The following GALNT14 variants were observed in gnomAD, a reference collection of about 807,000 sequenced individuals.
The protein encoded by GALNT14 is UDP-GalNAc:polypeptide N-acetylgalactosaminyltransferase 14.
In GALNT14, 60 loss-of-function variants were observed where a neutral mutation model predicts 77.5. The observed-to-expected ratio is 0.77, with a 90% CI of 0.63 to 0.96. The LOEUF is 0.96. Ranked by LOEUF, GALNT14 falls within the 40% of genes least tolerant of loss-of-function variation. The pLI is 0.00. For synonymous variants in GALNT14, 280 were observed against 281.7 expected, an observed-to-expected ratio of 0.99 and a Z score of 0.06; for missense variants, 710 against 731.0, an observed-to-expected ratio of 0.97 and a Z score of 0.33.
At chr2:30,941,033 A>G (rs1374279345) in intron 9 of GALNT14, among the ~76,000 whole-genome samples, 2 of 152,198 alleles carry the variant, frequency 1.3e-5, no homozygotes, top group East Asian at 3.9e-4. Flanking sequence ...TGAGGGAGAA[A>G]GCCATAAAAC....
intron 1 of GALNT14, among the ~76,000 whole-genome samples, chr2:31,093,361 G>C (rs992582816): frequency 2.0e-5 from 3 of 152,212 alleles, no homozygotes; most frequent in African/African-American, 7.2e-5. Flanking sequence ...GCAGAAGCTA[G>C]CTTGAGATGG....
At chr2:30,965,600 C>T (rs969370699) in intron 3 of GALNT14, among the ~76,000 whole-genome samples, 4 of 152,116 alleles carry the variant, frequency 2.6e-5, no homozygotes, top group Admixed American at 2.6e-4. Flanking sequence ...ATCAAAAACC[C>T]ACGCAGGCCA....
rs150753722 is a variant in GALNT14, at chr2:31,109,320, T to C, written c.129+28638A>G. ...ACTGCCTATGTAACATTTCTCTGAA[T>C]TGCCCACCTTTTACTTCTCCACGAG... On this transcript the variant is annotated intron_variant, in intron 1 of 14. Coordinates refer to ENST00000349752, the MANE Select transcript of GALNT14 (RefSeq NM_024572.4). 3.2e-3 allele frequency among the ~76,000 whole-genome samples: 486 copies of C among 152,320 alleles called. 4 individuals are homozygous for C. The highest frequency in any genetic ancestry group is 0.011 in the African/African-American group (448 of 41,572).
chr2:31,014,663 T>C (rs932676380), intron 1 of GALNT14, among the ~76,000 whole-genome samples: 1 of 152,122 alleles, frequency 6.6e-6, no homozygotes, highest in Admixed American at 6.5e-5. Flanking sequence ...CTAGACCCAA[T>C]CTATCTGCCA....
At chr2:30,970,433 C>T (rs75369861) in intron 2 of GALNT14, among the ~76,000 whole-genome samples, 3,422 of 152,174 alleles carry the variant, frequency 0.022, 141 homozygotes, top group East Asian at 0.21. Context: ...AGATGATGCA[C>T]GTAAGCACGT....
intron 8 of GALNT14, among the ~76,000 whole-genome samples, chr2:30,942,763 A>G (rs1021586911): frequency 2.4e-4 from 36 of 152,256 alleles, no homozygotes; most frequent in African/African-American, 7.7e-4. Flanking sequence ...GTAGCAGCAC[A>G]TCTGTTTCCT....
chr2:31,062,574 C>A (rs1197080310), intron 1 of GALNT14, among the ~76,000 whole-genome samples: 1 of 152,130 alleles, frequency 6.6e-6, no homozygotes, highest in Non-Finnish European at 1.5e-5. Context: ...TGGGTATATA[C>A]CCAGTAAAGG....
intron 1 of GALNT14, among the ~76,000 whole-genome samples, chr2:31,097,408 T>C (rs543670022): frequency 6.6e-6 from 1 of 152,170 alleles, no homozygotes; most frequent in South Asian, 2.1e-4. Flanking sequence ...GGGCAGAGAA[T>C]TAACTCTTTC....
intron 1 of GALNT14, among the ~76,000 whole-genome samples, chr2:31,073,747 G>T (rs950450102): frequency 1.3e-5 from 2 of 152,196 alleles, no homozygotes; most frequent in Non-Finnish European, 2.9e-5. Context: ...TTGTAAGTGT[G>T]GCAAACAGCC....
In GALNT14 at chr2:30,912,348, G is replaced by A; in HGVS notation, c.1381-6C>T. ...GTGTATGTGAAGGCCCATACCTGGG[G>A]AGAAAGAGACCAGGAAGGTTTGTTC... On this transcript the variant is annotated splice_region_variant and splice_polypyrimidine_tract_variant and intron_variant, in intron 13 of 14. Transcript: ENST00000349752. 6.2e-7 allele frequency: 1 copy of A among 1,613,708 alleles called. No individual in the cohort carries two copies. The highest frequency in any genetic ancestry group is 1.1e-5 in the South Asian group (1 of 91,000).
At chr2:30,951,305 A>C (rs1461398779) in intron 6 of GALNT14, among the ~76,000 whole-genome samples, 1 of 152,202 alleles carries the variant, frequency 6.6e-6, no homozygotes, top group Non-Finnish European at 1.5e-5. Flanking sequence ...TAAAGCCCAA[A>C]GATATGCTAA....
chr2:31,024,282 C>A lies in GALNT14; in HGVS notation c.130-31275G>T, dbSNP rs184143457. Among the ~76,000 whole-genome samples, 41 of 152,276 alleles carry A rather than the reference C, an allele frequency of 2.7e-4. 1 individual carries two copies. The highest frequency in any genetic ancestry group is 2.6e-3 in the Admixed American group (39 of 15,284). On this transcript the variant is annotated intron_variant, in intron 1 of 14. Transcript: ENST00000349752. The stretch of plus-strand genomic sequence containing the variant: ...CCCTTAGAGATTATTCCCCACACAG[C>A]AGCCAAGAAGAGTACAAGTCAGATC...
intron 1 of GALNT14, among the ~76,000 whole-genome samples, chr2:31,130,794 C>CTGTGTGTGTGCCTGTGTGTGTATA (rs1678957400): frequency 1.1e-5 from 1 of 89,084 alleles, no homozygotes; most frequent in Admixed American, 1.1e-4. Context: ...GCGCGCGCAC[C>CTGTGTGTGTGCCTGTGTGTGTATA]TGTGTGTGTG....
At chr2:31,048,753 C>T (rs974117077) in intron 1 of GALNT14, among the ~76,000 whole-genome samples, 1 of 152,112 alleles carries the variant, frequency 6.6e-6, no homozygotes, top group African/African-American at 2.4e-5. Context: ...CTATGTGACC[C>T]CCTTGCTCTG....
chr2:31,072,240 G>T (rs1233870805), intron 1 of GALNT14, among the ~76,000 whole-genome samples: 1 of 145,292 alleles, frequency 6.9e-6, no homozygotes, highest in Non-Finnish European at 1.5e-5. Flanking sequence ...CTGTGTGTAT[G>T]TCTCCTCTCT....
chr2:31,046,548 T>C (rs900893067), intron 1 of GALNT14, among the ~76,000 whole-genome samples: 14 of 152,174 alleles, frequency 9.2e-5, no homozygotes, highest in African/African-American at 3.4e-4. Flanking sequence ...ATTCTTAAAG[T>C]ACTACACATA....
intron 9 of GALNT14, among the ~76,000 whole-genome samples, chr2:30,936,485 G>A (rs1245067465): frequency 2.0e-5 from 3 of 152,178 alleles, no homozygotes; most frequent in African/African-American, 4.8e-5. Flanking sequence ...GTATATGTGT[G>A]TGTATTGTGT....
At chr2:30,912,001 T>C (rs1165686681) in intron 14 of GALNT14, among the ~76,000 whole-genome samples, 1 of 152,138 alleles carries the variant, frequency 6.6e-6, no homozygotes, top group African/African-American at 2.4e-5. Context: ...TGGAAATCAA[T>C]AGGCTTTCAT....
At chr2:30,995,234 C>A (rs1669958350) in intron 1 of GALNT14, among the ~76,000 whole-genome samples, 1 of 151,110 alleles carries the variant, frequency 6.6e-6, no homozygotes, top group African/African-American at 2.4e-5. Context: ...CAATGACAGA[C>A]TGCATATACG....
Sources: allele counts gnomAD v4.1 joint callset (sites outside exome capture counted in the v4.1 genomes callset), GRCh38; gene constraint gnomAD v4.1.1; transcripts MANE v1.5; gene names NCBI Gene and HGNC (gene_info 2026-07-23, HGNC 2026-07-21).